Variants in CNTN5 observed in about 807,000 individuals in gnomAD.
CNTN5 encodes contactin 5, also known as contactin-5.
A neutral mutation model predicts 129.1 loss-of-function variants in CNTN5; 77 were observed. The observed-to-expected ratio is 0.60, with a 90% CI of 0.50 to 0.72. The LOEUF (loss-of-function observed/expected upper bound fraction) is 0.72, where lower values mean the gene tolerates loss of function less well. CNTN5 is among the 30% of genes least tolerant of loss of function. The pLI is 0.00. For synonymous variants in CNTN5, 509 were observed against 465.6 expected (o/e 1.09, Z -1.20); for missense variants, 1,478 against 1,328.8 (o/e 1.11, Z -1.75).
At chr11:99,742,577 C>A (rs1034886264) in intron 3 of CNTN5, among the ~76,000 whole-genome samples, 2 of 152,032 alleles carry the variant, frequency 1.3e-5, no homozygotes, top group Non-Finnish European at 2.9e-5. Flanking sequence ...TTAATTCTGT[C>A]ATTTATAGCT....
chr11:99,875,581 T>G (rs1443001184), intron 6 of CNTN5, among the ~76,000 whole-genome samples: 1 of 152,142 alleles, frequency 6.6e-6, no homozygotes, highest in African/African-American at 2.4e-5. Flanking sequence ...TATTCTTTTA[T>G]ATAGCTCCTG....
At chr11:99,587,414 C>T (rs1949832349) in intron 3 of CNTN5, among the ~76,000 whole-genome samples, 1 of 152,172 alleles carries the variant, frequency 6.6e-6, no homozygotes, top group Non-Finnish European at 1.5e-5. Context: ...GCGACAAATT[C>T]AATAGCAGGT....
intron 21 of CNTN5, among the ~76,000 whole-genome samples, chr11:100,329,322 T>A (rs1418053883): frequency 6.6e-6 from 1 of 152,174 alleles, no homozygotes; most frequent in Non-Finnish European, 1.5e-5. Context: ...TCCCTGCCCC[T>A]ACCTGGTAGT....
intron 13 of CNTN5, among the ~76,000 whole-genome samples, chr11:100,085,514 ATAAG>A (rs1184280407): frequency 1.3e-5 from 2 of 152,036 alleles, no homozygotes; most frequent in African/African-American, 4.8e-5. Flanking sequence ...TCATACCAAG[ATAAG>A]TAAGAGAGAA....
At position 100,208,993 on chromosome 11, in the gene CNTN5, G is replaced by A. The variant is rs371645624; in HGVS notation, c.1884+15330G>A. On this transcript the variant is annotated intron_variant, in intron 15 of 24. Transcript: ENST00000524871. Reference sequence around the variant, plus strand: ...AGCAGGCTAGTCCAAGCTATGTCGCGTGGTTATCACAGAATTTCAAGACAG... The same window carrying A: ...AGCAGGCTAGTCCAAGCTATGTCGCATGGTTATCACAGAATTTCAAGACAG... 2.6e-5 allele frequency among the ~76,000 whole-genome samples: 4 copies of A among 152,248 alleles called. No individual in the cohort carries two copies. In the East Asian group the frequency reaches 5.8e-4, roughly 22 times the overall value.
intron 6 of CNTN5, among the ~76,000 whole-genome samples, chr11:99,879,228 G>A (rs933373352): frequency 1.3e-5 from 2 of 152,060 alleles, no homozygotes; most frequent in Non-Finnish European, 2.9e-5. Flanking sequence ...GTGATCCACC[G>A]TGCCTGGCCA....
chr11:99,761,368 A>G (rs1323017827), intron 3 of CNTN5, among the ~76,000 whole-genome samples: 1 of 152,028 alleles, frequency 6.6e-6, no homozygotes, highest in Non-Finnish European at 1.5e-5. Flanking sequence ...TGCACCCACT[A>G]ACTTGTCATC....
intron 1 of CNTN5, among the ~76,000 whole-genome samples, chr11:99,175,754 G>A (rs1857740050): frequency 6.6e-6 from 1 of 151,994 alleles, no homozygotes; most frequent in East Asian, 1.9e-4. Context: ...TGTAATTTTG[G>A]CATGATTATT....
intron 3 of CNTN5, among the ~76,000 whole-genome samples, chr11:99,763,957 T>A (rs558646384): frequency 3.9e-5 from 6 of 152,088 alleles, no homozygotes; most frequent in African/African-American, 1.4e-4. Flanking sequence ...GTTCACATAT[T>A]TTTAAAATGA....
At chr11:99,686,504 T>A (rs1043516585) in intron 3 of CNTN5, among the ~76,000 whole-genome samples, 10 of 152,248 alleles carry the variant, frequency 6.6e-5, no homozygotes, top group African/African-American at 2.4e-4. Context: ...AACAACCATA[T>A]AACTTTTTAA....
At chr11:99,058,940 A>T (rs973540578) in intron 1 of CNTN5, among the ~76,000 whole-genome samples, 3 of 148,650 alleles carry the variant, frequency 2.0e-5, no homozygotes, top group African/African-American at 7.3e-5. Context: ...ATTTATAATT[A>T]TACATTATAT....
At chr11:100,307,614 C>T (rs1396943540) in intron 20 of CNTN5, among the ~76,000 whole-genome samples, 1 of 151,602 alleles carries the variant, frequency 6.6e-6, no homozygotes, top group Non-Finnish European at 1.5e-5. Context: ...TTTTCTTTCC[C>T]ACCTGCACCT....
intron 3 of CNTN5, among the ~76,000 whole-genome samples, chr11:99,625,298 T>G (rs887158854): frequency 6.6e-6 from 1 of 152,154 alleles, no homozygotes; most frequent in African/African-American, 2.4e-5. Flanking sequence ...CAAACAACTT[T>G]TGTTACCTCT....
chr11:99,214,975 G>T (rs1860045953), intron 1 of CNTN5, among the ~76,000 whole-genome samples: 1 of 151,696 alleles, frequency 6.6e-6, no homozygotes, highest in Non-Finnish European at 1.5e-5. Flanking sequence ...AGATTTTCTT[G>T]TATCATTCTT....
At chr11:100,159,628 T>C (rs1345740176) in intron 13 of CNTN5, among the ~76,000 whole-genome samples, 8 of 151,880 alleles carry the variant, frequency 5.3e-5, no homozygotes, top group Admixed American at 2.6e-4. Flanking sequence ...ACAGTAGAGG[T>C]GAATATTTCA....
intron 15 of CNTN5, among the ~76,000 whole-genome samples, chr11:100,198,524 A>G (rs1312249698): frequency 6.6e-6 from 1 of 151,910 alleles, no homozygotes; most frequent in Non-Finnish European, 1.5e-5. Flanking sequence ...GAGTAGCATT[A>G]GAATAGTCAA....
In CNTN5 at chr11:99,556,085, G is replaced by T. The variant is rs138087217; in HGVS notation, c.-70-60G>T. 7.2e-3 allele frequency: 3,422 copies of T among 473,674 alleles called. 14 individuals are homozygous for T. Among genetic ancestry groups the T allele is most frequent in the Non-Finnish European group, 9.7e-3 (2,545 of 262,888 alleles). 29.3% of individuals were successfully genotyped at this position (473,674 alleles called of 1,614,324 possible). On this transcript the variant is annotated intron_variant, in intron 2 of 24. Coordinates refer to ENST00000524871, the MANE Select transcript of CNTN5 (RefSeq NM_014361.4). Reference sequence around the variant, plus strand: ...GAGATTTTTGCATTGGTTTGTATTTGTTGGCTTTTCTGTTTGTTTATTTCC... The same window carrying T: ...GAGATTTTTGCATTGGTTTGTATTTTTTGGCTTTTCTGTTTGTTTATTTCC...
intron 9 of CNTN5, among the ~76,000 whole-genome samples, chr11:100,026,305 C>T (rs1941416793): frequency 1.3e-5 from 2 of 152,012 alleles, no homozygotes; most frequent in Admixed American, 1.3e-4. Context: ...AGTAAGTTTC[C>T]TGAAACCTCC....
intron 2 of CNTN5, among the ~76,000 whole-genome samples, chr11:99,399,259 A>G (rs1417994617): frequency 6.6e-6 from 1 of 151,814 alleles, no homozygotes; most frequent in Non-Finnish European, 1.5e-5. Context: ...CAAGAGCATT[A>G]AGGATATGTG....
Sources: allele counts gnomAD v4.1 joint callset (sites outside exome capture counted in the v4.1 genomes callset), GRCh38; gene constraint gnomAD v4.1.1; transcripts MANE v1.5; gene names NCBI Gene and HGNC (gene_info 2026-07-23, HGNC 2026-07-21).